The following TUBE1 variants were observed in gnomAD, a reference collection of about 807,000 sequenced individuals.
The protein encoded by TUBE1 is tubulin epsilon chain.
TUBE1 carries 34 observed loss-of-function variants against 53.5 expected under a neutral mutation model. The ratio of observed to expected loss-of-function variants is 0.64; its 90% CI spans 0.48 to 0.85. The LOEUF (loss-of-function observed/expected upper bound fraction) is 0.85, where lower values mean the gene tolerates loss of function less well. Among genes scored for constraint, TUBE1 ranks in the 40% least tolerant of loss-of-function variants. The pLI, the probability that TUBE1 is intolerant of heterozygous loss-of-function variation, is 0.00. For missense variants in TUBE1, 532 were observed against 570.5 expected (o/e 0.93, Z 0.69); for synonymous variants, 177 against 198.4 (o/e 0.89, Z 0.91).
rs1436475581 is a variant in TUBE1, at chr6:112,081,121, G to A, written c.297C>T (p.Ile99=). 2.5e-6 allele frequency: 4 copies of A among 1,604,050 alleles called. No individual in the cohort carries two copies. The highest frequency in any genetic ancestry group is 1.3e-5 in the African/African-American group (1 of 74,374). ...LRDVFDTKQL[I]TDISGSGNNW... is the part of the protein sequence containing the mutation. ...TATTTCCTGAGCCAGAAATATCAGT[G>A]ATGAGCTGTTTCGTATCAAATACAT... The change falls in exon 5 of 12, where the codon ATC becomes ATT. Residue 99 remains isoleucine, a synonymous_variant. Coordinates refer to ENST00000368662, the MANE Select transcript of TUBE1 (RefSeq NM_016262.5).
intron 4 of TUBE1, among the ~76,000 whole-genome samples, chr6:112,081,924 C>T (rs1474713074): frequency 2.7e-5 from 4 of 150,862 alleles, no homozygotes; most frequent in African/African-American, 9.8e-5. Flanking sequence ...TATTCTACAG[C>T]GAGGAAGAAG....
In TUBE1 at chr6:112,087,271, A is replaced by T; in HGVS notation, c.61T>A (p.Trp21Arg). ...QCGNQIGCCF[W>R]DLALREHAAV... ...GCGTGCTCCCTTAGTGCCAGGTCCC[A>T]GAAGCAGCAGCCGATCTGGTTTCCG... The change falls in exon 2 of 12, where the codon TGG becomes AGG. Residue 21 changes from tryptophan (W) to arginine (R), a missense_variant. Transcript: ENST00000368662. 2 of 1,551,936 alleles carry T rather than the reference A, an allele frequency of 1.3e-6. No homozygotes were observed. The highest frequency in any genetic ancestry group is 2.7e-5 in the African/African-American group (2 of 73,196).
chr6:112,075,072 T>C (rs968165629), intron 8 of TUBE1: 19 of 224,414 alleles, frequency 8.5e-5, no homozygotes, highest in African/African-American at 2.2e-4. Context: ...TTCTTTCTTT[T>C]TTTTTTTTTT....
intron 7 of TUBE1, 73 bp downstream of exon 7, chr6:112,076,249 T>G (rs1263805283): frequency 3.4e-6 from 5 of 1,473,914 alleles, no homozygotes; most frequent in South Asian, 1.4e-5. Flanking sequence ...GAACGTTTCA[T>G]ATAAACACAC....
rs587606323 is a variant in TUBE1 at position 112,075,850 on chromosome 6, T to A, written c.812+87A>T. The A allele has an allele frequency of 4.4e-5, 55 of 1,246,506 alleles. No individual in the cohort carries two copies. The African/African-American group carries it at 7.4e-4, about 17-fold the overall frequency. The allele number at this position is 1,246,506 out of a possible 1,614,324, so 77.2% of individuals were successfully genotyped here. A position where few individuals can be genotyped will look rare whatever the true frequency, so the allele number is the denominator to read the frequency against. ...AAAAACAGAAGCAGCTTCTACAATT[T>A]AGAATAACTAAAAAATGCTACTACA... On this transcript the variant is annotated intron_variant, in intron 8 of 11. Transcript: ENST00000368662.
chr6:112,085,713 A>G (rs1554317239), intron 3 of TUBE1: 1 of 471,690 alleles, frequency 2.1e-6, no homozygotes, highest in Non-Finnish European at 4.4e-6. Flanking sequence ...AGCAACCTTC[A>G]GATTATTACA....
Position 112,070,707 on chromosome 6 carries a change from A to AAGAT in TUBE1, c.*701_*704dup, listed in dbSNP as rs1348945212. 1 of 151,552 alleles carries AAGAT rather than the reference A, an allele frequency of 6.6e-6. No homozygotes were observed. Among genetic ancestry groups the AAGAT allele is most frequent in the East Asian group, 1.9e-4 (1 of 5,204 alleles). The allele number at this position is 151,552 out of a possible 1,614,324, so 9.4% of individuals were successfully genotyped here. A position where few individuals can be genotyped will look rare whatever the true frequency, so the allele number is the denominator to read the frequency against. On this transcript the variant is annotated 3_prime_UTR_variant, in exon 12 of 12. Coordinates refer to ENST00000368662, the MANE Select transcript of TUBE1 (RefSeq NM_016262.5). Reference sequence around the variant, plus strand: ...TATAGCCATTTATTGCAAAGTTTGGAAGATATCAAGCTTAGTAACATTCTG... The same window carrying AAGAT: ...TATAGCCATTTATTGCAAAGTTTGGAAGATAGATATCAAGCTTAGTAACATTCTG...
chr6:112,072,044 T>C lies in TUBE1; in HGVS notation c.1127A>G (p.Asn376Ser). 1.2e-6 allele frequency: 2 copies of C among 1,602,586 alleles called. No individual in the cohort carries two copies. The highest frequency in any genetic ancestry group is 1.7e-6 in the Non-Finnish European group (2 of 1,176,440). Reference sequence around the variant, plus strand: ...CAGGCTGGTCTTCCAGCCTTCTTGATTCCAGGAGACAAATTGTAGAGATGG... The same window carrying C: ...CAGGCTGGTCTTCCAGCCTTCTTGACTCCAGGAGACAAATTGTAGAGATGG... ...LKPSLQFVSW[N>S]QEGWKTSLCS... The change falls in exon 11 of 12, where the codon AAT (asparagine) becomes AGT (serine). Residue 376 changes from asparagine to serine, a missense_variant. Asn to Ser is a conservative substitution (Grantham distance 46, BLOSUM62 1). Coordinates refer to ENST00000368662, the MANE Select transcript of TUBE1 (RefSeq NM_016262.5).
Position 112,072,863 on chromosome 6 carries a change from T to G in TUBE1, c.989A>C (p.Asp330Ala). The G allele has an allele frequency of 6.2e-7, 1 of 1,613,494 alleles. No homozygotes were observed. Among genetic ancestry groups the G allele is most frequent in the Non-Finnish European group, 8.5e-7 (1 of 1,179,696 alleles). The change falls in exon 10 of 12, where the codon GAT (aspartate) becomes GCT (alanine). Residue 330 changes from aspartate (D) to alanine (A), a missense_variant. Asp to Ala is a moderately radical substitution (Grantham distance 126). Coordinates refer to ENST00000368662, the MANE Select transcript of TUBE1 (RefSeq NM_016262.5). Reference sequence around the variant, plus strand: ...GGGGTCTGCCCGAAGCAGCTGGTGATCTTTACTAAAGGCATCTGAAAACAT... The same window carrying G: ...GGGGTCTGCCCGAAGCAGCTGGTGAGCTTTACTAAAGGCATCTGAAAACAT... ...DQMFSDAFSK[D>A]HQLLRADPKH...
intron 9 of TUBE1, among the ~76,000 whole-genome samples, chr6:112,073,333 A>C (rs1554315623): frequency 6.6e-6 from 1 of 152,188 alleles, no homozygotes; most frequent in Non-Finnish European, 1.5e-5. Flanking sequence ...TTATATCATA[A>C]ATTTTGTTAA....
At chr6:112,087,335 A>C (rs1554317534) in intron 1 of TUBE1, 29 bp from the exon 2 acceptor site, 1 of 1,551,666 alleles carries the variant, frequency 6.4e-7, no homozygotes, top group South Asian at 1.2e-5. Context: ...AAGGAAAGAG[A>C]ATAGGACATT....
rs982645734 is a variant in TUBE1 at position 112,081,256 on chromosome 6, T to C, written c.211-49A>G. 5 of 1,048,586 alleles carry C rather than the reference T, an allele frequency of 4.8e-6. No individual in the cohort carries two copies. The African/African-American group carries it at 6.5e-5, about 14-fold the overall frequency. The allele number at this position is 1,048,586 out of a possible 1,614,324, so 65.0% of individuals were successfully genotyped here. A position where few individuals can be genotyped will look rare whatever the true frequency, so the allele number is the denominator to read the frequency against. ...ATTAATGTATTTTCTTTTAGAGTTA[T>C]TCACTCTGTAAATGAAAAGAATTTA... On this transcript the variant is annotated intron_variant, in intron 4 of 11. Transcript: ENST00000368662.
At chr6:112,080,365 TA>T (rs1777051268) in intron 5 of TUBE1, among the ~76,000 whole-genome samples, 1 of 152,108 alleles carries the variant, frequency 6.6e-6, no homozygotes, top group East Asian at 1.9e-4. Flanking sequence ...ATTTCAGGTA[TA>T]ACTCAAAAGT....
In TUBE1 at chr6:112,072,748, T is replaced by C; in HGVS notation, c.1094+10A>G. 1 of 1,611,824 alleles carries C rather than the reference T, an allele frequency of 6.2e-7. No individual in the cohort carries two copies. The highest frequency in any genetic ancestry group is 8.5e-7 in the Non-Finnish European group (1 of 1,178,834). On this transcript the variant is annotated intron_variant, in intron 10 of 11. Transcript: ENST00000368662. ...CACACACAAATTATCTTTAAAAATATAAACCAAACCTTTCAATATTTCTAC... is the reference window on the plus strand; with the variant it reads ...CACACACAAATTATCTTTAAAAATACAAACCAAACCTTTCAATATTTCTAC...
rs1257858189 is a variant in TUBE1, at chr6:112,076,446, T to C, written c.512A>G (p.Tyr171Cys). 4.3e-6 allele frequency: 7 copies of C among 1,613,420 alleles called. No individual in the cohort carries two copies. The highest frequency in any genetic ancestry group is 1.3e-5 in the African/African-American group (1 of 74,910). ...KVLEDEFPEV[Y>C]RFVTSIYPSG... ...AGGATAAATGGAAGTCACAAATCTG[T>C]ATACTTCTGGGAATTCGTCTTCAAG... The change falls in exon 7 of 12, where the codon TAC becomes TGC. Residue 171 changes from tyrosine (Y) to cysteine (C), a missense_variant. Physicochemically the swap from Tyr to Cys is radical, Grantham distance 194 (BLOSUM62 -2). Transcript: ENST00000368662.
rs587639287 is a variant in TUBE1 at position 112,084,033 on chromosome 6, T to C, written c.210+156A>G. 5.9e-4 allele frequency: 374 copies of C among 632,204 alleles called. 1 individual carries two copies. The highest frequency in any genetic ancestry group is 7.9e-5 in the Non-Finnish European group (28 of 355,250). 39.2% of individuals were successfully genotyped at this position (632,204 alleles called of 1,614,324 possible). ...GGGCTTTTCCCCCTAATGTGTTAGGTGGACACAAATGTCTGCTTAGTTATA... is the reference window on the plus strand; with the variant it reads ...GGGCTTTTCCCCCTAATGTGTTAGGCGGACACAAATGTCTGCTTAGTTATA... On this transcript the variant is annotated intron_variant, in intron 4 of 11. Transcript: ENST00000368662.
At chr6:112,086,990 A>C in intron 2 of TUBE1, 1 of 554,820 alleles carries the variant, frequency 1.8e-6, no homozygotes, top group East Asian at 2.9e-5. Context: ...TGTTCTGCAC[A>C]CGAACACCAA....
rs1165385166 is a variant in TUBE1, at chr6:112,076,012, G to C, written c.737C>G (p.Ala246Gly). Residue 246 changes from alanine (A) to glycine (G), a missense_variant, in exon 8 of 12, where the codon GCT becomes GGT. By Grantham distance (60) the Ala-to-Gly change is moderately conservative. Coordinates refer to ENST00000368662, the MANE Select transcript of TUBE1 (RefSeq NM_016262.5). ...PKSLVTSSSG[A>G]LKKQHKKPFD... ...GGGCTTCTTATGCTGCTTTTTTAAA[G>C]CCCCAGAACTTGAAGTAACCAGACT... 4.3e-6 allele frequency: 7 copies of C among 1,613,688 alleles called. No homozygotes were observed. Among genetic ancestry groups the C allele is most frequent in the African/African-American group, 1.3e-5 (1 of 74,888 alleles).
At chr6:112,076,260 A>C in intron 7 of TUBE1, 62 bp downstream of exon 7, 1 of 1,482,546 alleles carries the variant, frequency 6.7e-7, no homozygotes, top group Non-Finnish European at 9.1e-7. Context: ...ATAAACACAC[A>C]TACATAATAC....
Sources: allele counts gnomAD v4.1 joint callset (sites outside exome capture counted in the v4.1 genomes callset), GRCh38; gene constraint gnomAD v4.1.1; transcripts MANE v1.5; gene names NCBI Gene and HGNC (gene_info 2026-07-23, HGNC 2026-07-21).